Variants in CDH13 observed in about 807,000 individuals in gnomAD.
CDH13 encodes the protein cadherin 13, also known as cadherin-13.
In CDH13, 24 loss-of-function variants were observed where a neutral mutation model predicts 63.8. The observed-to-expected ratio is 0.38, with a 90% CI of 0.27 to 0.53. The LOEUF (loss-of-function observed/expected upper bound fraction) is 0.53. Ranked by LOEUF, CDH13 falls within the 20% of genes least tolerant of loss-of-function variation. The pLI is 0.85. For missense variants in CDH13, 1,049 were observed against 903.1 expected (o/e 1.16, Z -2.07); for synonymous variants, 503 against 355.3 (o/e 1.42, Z -4.67).
At chr16:83,259,022 T>A (rs1906638163) in intron 5 of CDH13, among the ~76,000 whole-genome samples, 1 of 152,170 alleles carries the variant, frequency 6.6e-6, no homozygotes, top group Non-Finnish European at 1.5e-5. Context: ...CACCCATCAT[T>A]GCCAGCCTTG....
At chr16:82,821,554 G>A (rs947031715) in intron 1 of CDH13, among the ~76,000 whole-genome samples, 3 of 152,168 alleles carry the variant, frequency 2.0e-5, no homozygotes, top group Non-Finnish European at 4.4e-5. Context: ...GGGCTTGGAT[G>A]TTGGGCTTAC....
intron 3 of CDH13, among the ~76,000 whole-genome samples, chr16:83,060,825 G>A (rs902511841): frequency 2.0e-5 from 3 of 152,126 alleles, no homozygotes; most frequent in African/African-American, 7.2e-5. Flanking sequence ...TTTCAGCTGG[G>A]ACACTGTTGC....
chr16:83,322,682 A>T (rs527255904), intron 5 of CDH13, among the ~76,000 whole-genome samples: 1 of 152,188 alleles, frequency 6.6e-6, no homozygotes, highest in Admixed American at 6.5e-5. Context: ...CTGTCAAGAA[A>T]CCTGGCAGAA....
chr16:83,077,186 C>CTTTTTTTTTTTTTCTTTTTT (rs2032905430), intron 3 of CDH13, among the ~76,000 whole-genome samples: 1 of 59,166 alleles, frequency 1.7e-5, no homozygotes, highest in East Asian at 5.9e-4. Flanking sequence ...TTTTTCTTTT[C>CTTTTTTTTTTTTTCTTTTTT]TTTTTTTTTT....
intron 7 of CDH13, among the ~76,000 whole-genome samples, chr16:83,543,949 G>C (rs4457978): frequency 1 from 152,226 of 152,348 alleles, 76,052 homozygotes; most frequent in Middle Eastern, 1. Context: ...TGATGTAGCC[G>C]GTAGCAGGAG....
At chr16:83,063,660 C>G (rs1375734602) in intron 3 of CDH13, among the ~76,000 whole-genome samples, 1 of 152,156 alleles carries the variant, frequency 6.6e-6, no homozygotes, top group Middle Eastern at 3.2e-3. Context: ...GTTAATTACT[C>G]TATGAACAAA....
chr16:82,843,461 G>A (rs2039118179), intron 1 of CDH13, among the ~76,000 whole-genome samples: 3 of 152,222 alleles, frequency 2.0e-5, no homozygotes, highest in East Asian at 3.9e-4. Context: ...TCCGACCCAG[G>A]GGAAGATATG....
chr16:83,276,530 T>C lies in CDH13; in HGVS notation c.636+59033T>C, dbSNP rs1275762942. On this transcript the variant is annotated intron_variant, in intron 5 of 13. Coordinates refer to ENST00000567109, the MANE Select transcript of CDH13 (RefSeq NM_001257.5). Reference sequence around the variant, plus strand: ...GAAAGAGGTTTAATAGTCTTACAGTTTCCCATGGCTGGGGAGGCCTCACAG... The same window carrying C: ...GAAAGAGGTTTAATAGTCTTACAGTCTCCCATGGCTGGGGAGGCCTCACAG... 2.6e-5 allele frequency among the ~76,000 whole-genome samples: 4 copies of C among 152,276 alleles called. 1 individual carries two copies. The highest frequency in any genetic ancestry group is 6.8e-3 in the Middle Eastern group (2 of 294).
At chr16:83,438,816 A>T (rs1053132616) in intron 6 of CDH13, among the ~76,000 whole-genome samples, 25 of 152,250 alleles carry the variant, frequency 1.6e-4, no homozygotes, top group African/African-American at 6.0e-4. Context: ...CAGAAAGTCT[A>T]TGCAGCAGTG....
intron 7 of CDH13, among the ~76,000 whole-genome samples, chr16:83,563,561 C>A (rs1357457272): frequency 6.6e-6 from 1 of 152,186 alleles, no homozygotes; most frequent in Non-Finnish European, 1.5e-5. Context: ...CCTGTCCTTA[C>A]TGTAATCAAT....
At chr16:83,121,109 T>C (rs546203413) in intron 3 of CDH13, among the ~76,000 whole-genome samples, 2 of 152,124 alleles carry the variant, frequency 1.3e-5, no homozygotes, top group Non-Finnish European at 2.9e-5. Context: ...GTGGTTGGCT[T>C]TTTTGTTCGT....
At chr16:83,201,959 A>T (rs1404884869) in intron 4 of CDH13, among the ~76,000 whole-genome samples, 2 of 152,176 alleles carry the variant, frequency 1.3e-5, no homozygotes, top group Non-Finnish European at 2.9e-5. Flanking sequence ...AAGATTATTT[A>T]CCAGCTGTAG....
chr16:83,309,873 T>C (rs2089963104), intron 5 of CDH13, among the ~76,000 whole-genome samples: 2 of 152,152 alleles, frequency 1.3e-5, no homozygotes. Flanking sequence ...ATGGCTGCTT[T>C]ATTTGTGAGG....
At chr16:82,738,217 T>C (rs909987920) in intron 1 of CDH13, among the ~76,000 whole-genome samples, 1 of 152,080 alleles carries the variant, frequency 6.6e-6, no homozygotes, top group Admixed American at 6.6e-5. Flanking sequence ...AAAAGTGAAA[T>C]AGCAATAAAA....
chr16:82,642,587 C>T (rs762055476), intron 1 of CDH13, among the ~76,000 whole-genome samples: 1 of 152,162 alleles, frequency 6.6e-6, no homozygotes, highest in Non-Finnish European at 1.5e-5. Flanking sequence ...CCTAATCATA[C>T]AATCTCCACC....
chr16:82,915,662 T>C (rs1351042875), intron 2 of CDH13, among the ~76,000 whole-genome samples: 1 of 151,956 alleles, frequency 6.6e-6, no homozygotes, highest in Non-Finnish European at 1.5e-5. Context: ...ATCTACTGCC[T>C]GCTGCAGGTG....
At chr16:83,678,084 C>T in intron 9 of CDH13, 124 bp from the exon 10 acceptor site, 2 of 899,270 alleles carry the variant, frequency 2.2e-6, no homozygotes, top group Non-Finnish European at 3.4e-6. Flanking sequence ...CAGGCTTAGC[C>T]TCCAAAGCCC....
intron 2 of CDH13, among the ~76,000 whole-genome samples, chr16:82,899,833 T>C (rs940341544): frequency 2.0e-5 from 3 of 152,228 alleles, no homozygotes; most frequent in African/African-American, 4.8e-5. Context: ...GATTGAGAAG[T>C]AGAGTTCTCT....
At chr16:83,109,850 A>G (rs185663199) in intron 3 of CDH13, among the ~76,000 whole-genome samples, 2 of 152,318 alleles carry the variant, frequency 1.3e-5, no homozygotes, top group Non-Finnish European at 2.9e-5. Flanking sequence ...CGGGCTTCCG[A>G]CTAAAGAATC....
Sources: gnomAD v4.1 joint callset for allele counts (sites outside exome capture counted in the v4.1 genomes callset) on GRCh38, gnomAD v4.1.1 for gene constraint, MANE v1.5 for transcripts, NCBI Gene and HGNC (gene_info 2026-07-23, HGNC 2026-07-21) for gene names.